Variants in MDGA2 observed in about 807,000 individuals in gnomAD.
MDGA2 encodes the protein MAM domain-containing glycosylphosphatidylinositol anchor protein 2.
MDGA2 carries 40 observed loss-of-function variants against 117.8 expected under a neutral mutation model. The ratio of observed to expected loss-of-function variants is 0.34; its 90% confidence interval spans 0.26 to 0.44. MDGA2 has a LOEUF of 0.44. Among genes scored for constraint, MDGA2 ranks in the 20% least tolerant of loss-of-function variants. The pLI, the probability that MDGA2 is intolerant of heterozygous loss-of-function variation, is 1.00. For synonymous variants in MDGA2, 452 were observed against 439.0 expected, an observed-to-expected ratio of 1.03 and a Z score of -0.37; for missense variants, 1,123 against 1,250.6, an observed-to-expected ratio of 0.90 and a Z score of 1.54.
chr14:47,451,036 A>G (rs1566463329), intron 1 of MDGA2, among the ~76,000 whole-genome samples: 1 of 152,136 alleles, frequency 6.6e-6, no homozygotes, highest in Non-Finnish European at 1.5e-5. Flanking sequence ...AATGGCAGCT[A>G]CTCCCTAGAA....
chr14:47,342,345 G>A (rs1890656556), intron 1 of MDGA2, among the ~76,000 whole-genome samples: 1 of 149,132 alleles, frequency 6.7e-6, no homozygotes, highest in Non-Finnish European at 1.5e-5. Flanking sequence ...AAATATGTGT[G>A]TATATATATC....
intron 14 of MDGA2, among the ~76,000 whole-genome samples, chr14:46,868,752 T>G (rs1325552574): frequency 6.6e-6 from 1 of 152,010 alleles, no homozygotes. Flanking sequence ...CAGCTGTCTC[T>G]ATATTGTCAG....
chr14:47,663,796 C>A (rs1374304442), intron 1 of MDGA2, among the ~76,000 whole-genome samples: 1 of 152,070 alleles, frequency 6.6e-6, no homozygotes, highest in Non-Finnish European at 1.5e-5. Flanking sequence ...TATAAGTATT[C>A]TTATAAATAA....
intron 4 of MDGA2, among the ~76,000 whole-genome samples, chr14:47,134,776 AC>A (rs1175979395): frequency 4.4e-5 from 6 of 136,992 alleles, no homozygotes; most frequent in African/African-American, 1.4e-4. Flanking sequence ...ACACACACAC[AC>A]TATATATATA....
At chr14:47,417,571 G>A (rs1265392940) in intron 1 of MDGA2, among the ~76,000 whole-genome samples, 1 of 152,096 alleles carries the variant, frequency 6.6e-6, no homozygotes, top group Non-Finnish European at 1.5e-5. Context: ...GAATCACCCT[G>A]AATGGTCCTC....
At chr14:47,343,128 T>A in intron 1 of MDGA2, 1 of 1,218,504 alleles carries the variant, frequency 8.2e-7, no homozygotes, top group Non-Finnish European at 1.0e-6. Context: ...AGGCACACAA[T>A]AATGAAACAG....
At chr14:47,621,958 G>A (rs1460575056) in intron 1 of MDGA2, among the ~76,000 whole-genome samples, 1 of 152,188 alleles carries the variant, frequency 6.6e-6, no homozygotes, top group Non-Finnish European at 1.5e-5. Context: ...TGTAATGTTG[G>A]TTAAACATAG....
intron 1 of MDGA2, among the ~76,000 whole-genome samples, chr14:47,306,842 G>GGAGGGAGAGAGA (rs1555372056): frequency 6.8e-5 from 10 of 146,598 alleles, no homozygotes; most frequent in African/African-American, 2.3e-4. Context: ...AGAGAAAGAG[G>GGAGGGAGAGAGA]GAGAGAGAGA....
At chr14:47,476,740 T>C (rs1189309162) in intron 1 of MDGA2, among the ~76,000 whole-genome samples, 1 of 152,180 alleles carries the variant, frequency 6.6e-6, no homozygotes, top group Non-Finnish European at 1.5e-5. Context: ...GGGTATGTAA[T>C]AGAGAAAATA....
intron 3 of MDGA2, among the ~76,000 whole-genome samples, chr14:47,173,110 A>G (rs1884242192): frequency 6.6e-6 from 1 of 152,192 alleles, no homozygotes; most frequent in Non-Finnish European, 1.5e-5. Context: ...AAAAGAATAA[A>G]AAGAAACAAA....
intron 2 of MDGA2, among the ~76,000 whole-genome samples, chr14:47,267,262 G>C (rs1385029109): frequency 1.3e-5 from 2 of 149,346 alleles, no homozygotes; most frequent in Non-Finnish European, 3.0e-5. Context: ...TTATATGAAT[G>C]TGGAAATATT....
At chr14:47,613,458 A>ATC (rs746974129) in intron 1 of MDGA2, among the ~76,000 whole-genome samples, 125 of 146,522 alleles carry the variant, frequency 8.5e-4, no homozygotes, top group African/African-American at 2.0e-3. Context: ...TACTTCATTT[A>ATC]TCTCTCTCTC....
intron 6 of MDGA2, among the ~76,000 whole-genome samples, chr14:47,086,237 T>A (rs768026613): frequency 6.6e-6 from 1 of 151,994 alleles, no homozygotes; most frequent in African/African-American, 2.4e-5. Context: ...CAGAAAAGTA[T>A]ATTTGTTGAG....
chr14:47,241,523 A>C (rs1002569629), intron 2 of MDGA2, among the ~76,000 whole-genome samples: 3 of 151,912 alleles, frequency 2.0e-5, no homozygotes, highest in Admixed American at 2.0e-4. Flanking sequence ...AATTTTAGAA[A>C]GGTTTTAGTT....
intron 2 of MDGA2, 101 bp downstream of exon 2, chr14:47,301,310 C>T (rs981792231): frequency 2.7e-5 from 36 of 1,309,250 alleles, no homozygotes; most frequent in Middle Eastern, 2.6e-4. Context: ...CACACACACA[C>T]ACACACACAC....
rs141370216 is a variant in MDGA2 at position 47,532,553 on chromosome 14, C to A, written c.280+141964G>T. ...CCAGTAATTCCAGGGACCAATAGAG[C>A]AAATCAAGTTTAGTATATTTCCACT... On this transcript the variant is annotated intron_variant, in intron 1 of 16. Transcript: ENST00000399232. Among the ~76,000 whole-genome samples, 11 of 152,314 alleles carry A rather than the reference C, an allele frequency of 7.2e-5. No individual in the cohort carries two copies. The East Asian group carries it at 2.1e-3, about 29-fold the overall frequency.
At chr14:46,899,261 C>CT (rs1235757526) in intron 10 of MDGA2, among the ~76,000 whole-genome samples, 3 of 151,934 alleles carry the variant, frequency 2.0e-5, no homozygotes, top group African/African-American at 4.8e-5. Context: ...CCTCCCCACC[C>CT]TTTTTTTCCC....
intron 1 of MDGA2, among the ~76,000 whole-genome samples, chr14:47,337,974 C>A (rs372429536): frequency 2.0e-5 from 3 of 152,128 alleles, no homozygotes; most frequent in Middle Eastern, 3.4e-3. Flanking sequence ...CACACCAGAA[C>A]ACTGCACTGC....
intron 1 of MDGA2, among the ~76,000 whole-genome samples, chr14:47,337,566 C>T (rs1381526150): frequency 6.6e-6 from 1 of 151,846 alleles, no homozygotes; most frequent in African/African-American, 2.4e-5. Flanking sequence ...TAAAATTTCT[C>T]AGATATAAAT....
Sources: gnomAD v4.1 joint callset for allele counts (sites outside exome capture counted in the v4.1 genomes callset) on GRCh38, gnomAD v4.1.1 for gene constraint, MANE v1.5 for transcripts, NCBI Gene and HGNC (gene_info 2026-07-23, HGNC 2026-07-21) for gene names.